The following CLIC2 variants were observed in gnomAD, a reference collection of about 807,000 sequenced individuals.
CLIC2 encodes the protein CLIC family member 2, also known as chloride intracellular channel protein 2.
In CLIC2, 9 loss-of-function variants were observed where a neutral mutation model predicts 14.8. That is an observed-to-expected ratio of 0.61 (90% CI 0.37 to 1.06). The LOEUF (loss-of-function observed/expected upper bound fraction) is 1.06. Among genes scored for constraint, CLIC2 ranks in the 50% least tolerant of loss-of-function variants. CLIC2 has a pLI of 0.01. For missense variants in CLIC2, 148 were observed against 181.4 expected, an observed-to-expected ratio of 0.82 and a Z score of 1.06; for synonymous variants, 61 against 66.3, an observed-to-expected ratio of 0.92 and a Z score of 0.39.
At chrX:155,279,917 A>G in intron 4 of CLIC2, 45 bp downstream of exon 4, 1 of 910,180 alleles carries the variant, frequency 1.1e-6, no homozygotes, top group Non-Finnish European at 1.6e-6. Flanking sequence ...GAGTGAGAAG[A>G]TGAAGAGTGA....
intron 3 of CLIC2, chrX:155,291,350 T>C: frequency 1.2e-6 from 1 of 811,196 alleles, no homozygotes; most frequent in Non-Finnish European, 1.9e-6. Flanking sequence ...ACATCTTCAC[T>C]TGCTTGGATG....
Position 155,298,916 on chromosome X carries a change from A to T in CLIC2, c.168-6T>A, listed in dbSNP as rs1557318664. The T allele has an allele frequency of 1.7e-6, 2 of 1,205,869 alleles. No homozygotes were observed. Among genetic ancestry groups the T allele is most frequent in the African/African-American group, 3.5e-5 (2 of 56,991 alleles). ...CCTTTAGTTCTTCAGGCTTTCTATG[A>T]TTATTAAAAATAAGCAGAGTTAGGT... is the stretch of plus-strand genomic sequence containing the variant. On this transcript the variant is annotated splice_region_variant and splice_polypyrimidine_tract_variant and intron_variant, in intron 2 of 5. Transcript: ENST00000369449.
At position 155,279,257 on chromosome X, in the gene CLIC2, A is replaced by C. The variant is rs781826424; in HGVS notation, c.474T>G (p.Ile158Met). 1 of 1,209,262 alleles carries C rather than the reference A, an allele frequency of 8.3e-7. No individual in the cohort carries two copies. The change falls in exon 5 of 6, where the codon ATT becomes ATG. Residue 158 changes from isoleucine (I) to methionine (M), a missense_variant. Transcript: ENST00000369449. The part of the protein sequence containing the change: ...DYLNTPLLDE[I>M]DPDSAEEPPV... ...GGGGTTCCTCAGCACTGTCTGGATC[A>C]ATTTCATCCAGAAGTGGGGTGTTTA... is the stretch of plus-strand genomic sequence containing the variant.
intron 1 of CLIC2, among the ~76,000 whole-genome samples, chrX:155,308,928 GA>G (rs1176761776): frequency 2.7e-5 from 3 of 110,609 alleles, no homozygotes; most frequent in Non-Finnish European, 5.7e-5. Flanking sequence ...ACTTCAATCA[GA>G]AAAAAAATAA....
rs782118673 is a variant in CLIC2 at position 155,277,967 on chromosome X, T to A, written c.680A>T (p.His227Leu). The A allele has an allele frequency of 8.3e-7, 1 of 1,206,057 alleles. No homozygotes were observed. Among genetic ancestry groups the A allele is most frequent in the Non-Finnish European group, 1.1e-6 (1 of 891,789 alleles). The stretch of plus-strand genomic sequence containing the variant: ...AATTTCTTTGTCTTCAGGACACGTG[T>A]GGGTAAATTCTTCACGGGCATAGGC... ...HNAYAREEFT[H>L]TCPEDKEIEN... The change falls in exon 6 of 6, where the codon CAC becomes CTC. Residue 227 changes from histidine to leucine, a missense_variant. By Grantham distance (99) the His-to-Leu change is moderately conservative. Coordinates refer to ENST00000369449, the MANE Select transcript of CLIC2 (RefSeq NM_001289.6).
Position 155,334,444 on chromosome X carries a change from A to T in CLIC2, c.-17T>A. On this transcript the variant is annotated 5_prime_UTR_variant, in exon 1 of 6. Coordinates refer to ENST00000369449, the MANE Select transcript of CLIC2 (RefSeq NM_001289.6). ...GCCTGACATCTTTGTCTTTACTGCC[A>T]GTTGTCAGCCTCCTGCCTCCTGTAG... The T allele has an allele frequency of 1.7e-6, 2 of 1,192,066 alleles. No homozygotes were observed. Among genetic ancestry groups the T allele is most frequent in the Non-Finnish European group, 2.3e-6 (2 of 877,820 alleles).
chrX:155,286,559 A>G (rs1279757752), intron 3 of CLIC2, among the ~76,000 whole-genome samples: 5 of 112,333 alleles, frequency 4.5e-5, no homozygotes, highest in African/African-American at 6.5e-5. Context: ...TCACTACACT[A>G]TCTTCCACAA....
At chrX:155,306,945 C>A in intron 1 of CLIC2, among the ~76,000 whole-genome samples, 1 of 111,384 alleles carries the variant, frequency 9.0e-6, no homozygotes, top group Middle Eastern at 4.6e-3. Flanking sequence ...TATCAGCCAT[C>A]ATTTTTTCTA....
chrX:155,304,871 T>G (rs1238456760), intron 1 of CLIC2, among the ~76,000 whole-genome samples: 2 of 93,686 alleles, frequency 2.1e-5, no homozygotes, highest in African/African-American at 3.7e-5. Context: ...TGCTGGGGGG[T>G]GCCTCCCAGT....
chrX:155,306,183 G>A (rs2075054774), intron 1 of CLIC2, among the ~76,000 whole-genome samples: 1 of 111,936 alleles, frequency 8.9e-6, no homozygotes. Context: ...CCTGGTAGGA[G>A]GTGATTGGAT....
chrX:155,307,293 T>A (rs968979931), intron 1 of CLIC2, among the ~76,000 whole-genome samples: 1 of 110,682 alleles, frequency 9.0e-6, no homozygotes, highest in Admixed American at 9.6e-5. Flanking sequence ...GTTCAAAGGA[T>A]AAGTAACAGT....
chrX:155,308,364 A>G (rs1357625110), intron 1 of CLIC2, among the ~76,000 whole-genome samples: 1 of 110,383 alleles, frequency 9.1e-6, no homozygotes, highest in East Asian at 2.8e-4. Context: ...CACACAGACG[A>G]GAAAAAAGAA....
intron 1 of CLIC2, among the ~76,000 whole-genome samples, chrX:155,318,870 C>T (rs2075103779): frequency 8.9e-6 from 1 of 111,845 alleles, no homozygotes; most frequent in Non-Finnish European, 1.9e-5. Context: ...GACACATAGA[C>T]CAATGGAACT....
Position 155,334,364 on chromosome X carries a change from A to G in CLIC2, c.57+7T>C. The stretch of plus-strand genomic sequence containing the variant: ...CTACATGCAGTTATTATAACTGGAA[A>G]ACTTACCTTTACAAAAAGCTCAATC... On this transcript the variant is annotated splice_region_variant and intron_variant, in intron 1 of 5. Transcript: ENST00000369449. 1 of 1,197,873 alleles carries G rather than the reference A, an allele frequency of 8.3e-7. No homozygotes were observed. The highest frequency in any genetic ancestry group is 1.1e-6 in the Non-Finnish European group (1 of 883,009).
In CLIC2 at chrX:155,334,412, G is replaced by T. The variant is rs782288621; in HGVS notation, c.16C>A (p.Pro6Thr). Residue 6 changes from proline (P) to threonine (T), a missense_variant, in exon 1 of 6, where the codon CCC becomes ACC. Coordinates refer to ENST00000369449, the MANE Select transcript of CLIC2 (RefSeq NM_001289.6). ...ATCTCAGGGTCCACTTGAGTGCCGG[G>T]CCGCAGGCCTGACATCTTTGTCTTT... MSGLR[P>T]GTQVDPEIEL... 8.3e-7 allele frequency: 1 copy of T among 1,209,446 alleles called. No homozygotes were observed. The highest frequency in any genetic ancestry group is 3.0e-5 in the East Asian group (1 of 33,810).
intron 1 of CLIC2, among the ~76,000 whole-genome samples, chrX:155,333,589 G>A (rs782432683): frequency 3.6e-5 from 4 of 110,975 alleles, no homozygotes; most frequent in South Asian, 7.6e-4. Context: ...TAATGTAAGC[G>A]AGGATTTAGT....
intron 1 of CLIC2, among the ~76,000 whole-genome samples, chrX:155,328,535 G>A (rs2075146089): frequency 9.0e-6 from 1 of 111,515 alleles, no homozygotes; most frequent in South Asian, 3.7e-4. Context: ...CTATATTTAT[G>A]AATTGGAAGA....
At chrX:155,302,256 C>G (rs1432537913) in intron 1 of CLIC2, among the ~76,000 whole-genome samples, 7 of 107,864 alleles carry the variant, frequency 6.5e-5, no homozygotes, top group Non-Finnish European at 1.3e-4. Flanking sequence ...ACAATTTCAG[C>G]TCCTGTTATT....
intron 1 of CLIC2, among the ~76,000 whole-genome samples, chrX:155,331,301 A>T (rs782261395): frequency 3.6e-5 from 4 of 111,032 alleles, no homozygotes; most frequent in Non-Finnish European, 7.6e-5. Flanking sequence ...TTTTACAGGA[A>T]AACTGAAGGG....
Sources: allele counts gnomAD v4.1 joint callset (sites outside exome capture counted in the v4.1 genomes callset), GRCh38; gene constraint gnomAD v4.1.1; transcripts MANE v1.5; gene names NCBI Gene and HGNC (gene_info 2026-07-23, HGNC 2026-07-21).